ADAMTS10: variants seen among roughly 807,000 people sequenced by gnomAD.
The protein encoded by ADAMTS10 is A disintegrin and metalloproteinase with thrombospondin motifs 10.
A neutral mutation model predicts 135.9 loss-of-function variants in ADAMTS10; 48 were observed. The observed-to-expected ratio is 0.35, with a 90% CI of 0.28 to 0.45. The LOEUF (loss-of-function observed/expected upper bound fraction) is 0.45. ADAMTS10 is among the 20% of genes least tolerant of loss of function. The pLI, the probability that ADAMTS10 is intolerant of heterozygous loss-of-function variation, is 1.00. For synonymous variants in ADAMTS10, 621 were observed against 647.5 expected (o/e 0.96, Z 0.62); for missense variants, 1,131 against 1,565.2 (o/e 0.72, Z 4.68).
At chr19:8,587,039 A>G in intron 18 of ADAMTS10, 143 bp from the exon 19 acceptor site, 1 of 903,554 alleles carries the variant, frequency 1.1e-6, no homozygotes, top group Non-Finnish European at 1.8e-6. Context: ...ACCCTTGTGA[A>G]CCAGGTGTTT....
intron 16 of ADAMTS10, 121 bp downstream of exon 16, chr19:8,589,768 G>T: frequency 1.4e-6 from 2 of 1,396,000 alleles, no homozygotes; most frequent in Non-Finnish European, 9.9e-7. Context: ...CAGGTACTCT[G>T]TCTCCCCGGG....
rs111492620 is a variant in ADAMTS10 at position 8,610,422 on chromosome 19, G to GACACACACACACACACAC, written c.-215+204_-215+221dup. Among the ~76,000 whole-genome samples the GACACACACACACACACAC allele has an allele frequency of 7.1e-3, 1,036 of 145,692 alleles. 17 individuals are homozygous for GACACACACACACACACAC. Among genetic ancestry groups the GACACACACACACACACAC allele is most frequent in the African/African-American group, 0.024 (941 of 38,932 alleles). On this transcript the variant is annotated intron_variant, in intron 1 of 25. Coordinates refer to ENST00000597188, the MANE Select transcript of ADAMTS10 (RefSeq NM_030957.4). Reference sequence around the variant, plus strand: ...CAACCACTCTGCCCCTACGTGGACGGACACACACACACACACACACACACA... The same window carrying GACACACACACACACACAC: ...CAACCACTCTGCCCCTACGTGGACGGACACACACACACACACACACACACACACACACACACACACACA...
chr19:8,586,816 C>T lies in ADAMTS10; in HGVS notation c.2239G>A (p.Ala747Thr). The T allele has an allele frequency of 1.2e-6, 2 of 1,614,136 alleles. No homozygotes were observed. The highest frequency in any genetic ancestry group is 1.7e-6 in the Non-Finnish European group (2 of 1,180,024). ...CATCCCCTCCCCACCATCTGCTCAC[C>T]CAAGTGACTGAGAGAGAGGTTCAGA... is the stretch of plus-strand genomic sequence containing the variant. Reference protein sequence around the residue: ...QDLNLSLSHLALKGDQESLLL... With the variant: ...QDLNLSLSHLTLKGDQESLLL... Residue 747 changes from alanine to threonine, a missense_variant and splice_region_variant, in exon 19 of 26, where the codon GCC becomes ACC. Coordinates refer to ENST00000597188, the MANE Select transcript of ADAMTS10 (RefSeq NM_030957.4).
Position 8,584,905 on chromosome 19 carries a change from G to T in ADAMTS10, c.3192C>A (p.Asp1064Glu). Residue 1064 changes from aspartate to glutamate, a missense_variant, in exon 25 of 26, where the codon GAC becomes GAA. Asp to Glu is a conservative substitution (Grantham distance 45). Coordinates refer to ENST00000597188, the MANE Select transcript of ADAMTS10 (RefSeq NM_030957.4). ...TGGTCACCCACATACCTTCAGGGCC[G>T]TCCCCGGGGGTTGGGCTGTCGCACT... ...EAKCDSPTPG[D>E]GPEECKDVNK... The T allele has an allele frequency of 6.5e-7, 1 of 1,548,936 alleles. No individual in the cohort carries two copies. Among genetic ancestry groups the T allele is most frequent in the African/African-American group, 1.4e-5 (1 of 73,106 alleles).
In ADAMTS10 at chr19:8,580,853, G is replaced by A. The variant is rs1555735596; in HGVS notation, c.*40C>T. On this transcript the variant is annotated 3_prime_UTR_variant, in exon 26 of 26. Coordinates refer to ENST00000597188, the MANE Select transcript of ADAMTS10 (RefSeq NM_030957.4). ...GCCGGCCCGCTGCAGGGCTGGCGGC[G>A]GAGACCCCGCCAGCTGTGGCTCCGG... is the stretch of plus-strand genomic sequence containing the variant. 1.7e-5 allele frequency: 26 copies of A among 1,518,984 alleles called. No homozygotes were observed. Among genetic ancestry groups the A allele is most frequent in the East Asian group, 2.4e-5 (1 of 41,548 alleles). The allele number at this position is 1,518,984 out of a possible 1,614,324, so 94.1% of individuals were successfully genotyped here. A position where few individuals can be genotyped will look rare whatever the true frequency, so the allele number is the denominator to read the frequency against.
At position 8,600,946 on chromosome 19, in the gene ADAMTS10, G is replaced by A; in HGVS notation, c.792C>T (p.Val264=). 3.1e-6 allele frequency: 5 copies of A among 1,614,130 alleles called. No individual in the cohort carries two copies. The highest frequency in any genetic ancestry group is 4.2e-6 in the Non-Finnish European group (5 of 1,180,040). ...CACTTACAATGTTCATGATGGCCAGGACATACTGCTCCACATCCCGGCGCC... is the reference window on the plus strand; with the variant it reads ...CACTTACAATGTTCATGATGGCCAGAACATACTGCTCCACATCCCGGCGCC... ...YHGRRDVEQY[V]LAIMNIVAKL... is the part of the protein sequence containing the mutation. The change falls in exon 6 of 26, where the codon GTC becomes GTT. Residue 264 remains valine (V), a synonymous_variant. Coordinates refer to ENST00000597188, the MANE Select transcript of ADAMTS10 (RefSeq NM_030957.4).
intron 25 of ADAMTS10, among the ~76,000 whole-genome samples, chr19:8,583,258 G>C (rs1428823443): frequency 3.9e-5 from 6 of 152,076 alleles, no homozygotes; most frequent in Non-Finnish European, 8.8e-5. Context: ...ATAAATTTAT[G>C]GACCTGGCGC....
chr19:8,607,786 A>G (rs1230804507), intron 2 of ADAMTS10, among the ~76,000 whole-genome samples: 1 of 148,834 alleles, frequency 6.7e-6, no homozygotes, highest in Non-Finnish European at 1.5e-5. Context: ...GCTAATGTCC[A>G]TTCCTTCTGT....
At chr19:8,592,905 C>G in intron 12 of ADAMTS10, 35 bp from the exon 13 acceptor site, 1 of 1,581,840 alleles carries the variant, frequency 6.3e-7, no homozygotes, top group Non-Finnish European at 8.6e-7. Context: ...GCTCGCCCCC[C>G]TCCCTTCCTC....
In ADAMTS10 at chr19:8,600,817, CCT is replaced by C. The variant is rs1427383185; in HGVS notation, c.810+109_810+110del. 9.3e-5 allele frequency: 129 copies of C among 1,385,304 alleles called. 1 individual carries two copies. In the African/African-American group the frequency reaches 1.1e-3, roughly 12 times the overall value. The allele number at this position is 1,385,304 out of a possible 1,614,324, so 85.8% of individuals were successfully genotyped here. A position where few individuals can be genotyped will look rare whatever the true frequency, so the allele number is the denominator to read the frequency against. On this transcript the variant is annotated intron_variant, in intron 6 of 25. Transcript: ENST00000597188. Reference sequence around the variant, plus strand: ...CCGGCCTGCAACCTTCCTTTCTACCCCTGTCCCCACGTCAGGGATTGGGGTGG... The same window carrying C: ...CCGGCCTGCAACCTTCCTTTCTACCCGTCCCCACGTCAGGGATTGGGGTGG...
chr19:8,581,060 T>G, intron 25 of ADAMTS10, 58 bp from the exon 26 acceptor site: 2 of 1,208,552 alleles, frequency 1.7e-6, no homozygotes, highest in Non-Finnish European at 2.4e-6. Flanking sequence ...CCCGCAGGGC[T>G]GCACACACGA....
At chr19:8,589,676 C>G (rs1380211233) in intron 16 of ADAMTS10, 91 bp from the exon 17 acceptor site, 1 of 1,581,444 alleles carries the variant, frequency 6.3e-7, no homozygotes, top group Non-Finnish European at 8.6e-7. Flanking sequence ...AGGGACAGAC[C>G]CCAGACCCAA....
chr19:8,591,758 T>G (rs1555738942), intron 15 of ADAMTS10, 42 bp downstream of exon 15: 1 of 1,611,274 alleles, frequency 6.2e-7, no homozygotes, highest in East Asian at 2.2e-5. Flanking sequence ...CTGTTTTTAA[T>G]GCTTCCTCCC....
rs1555739110 is a variant in ADAMTS10 at position 8,592,077 on chromosome 19, G to C, written c.1614C>G (p.Pro538=). The C allele has an allele frequency of 1.2e-6, 2 of 1,613,792 alleles. No individual in the cohort carries two copies. Among genetic ancestry groups the C allele is most frequent in the Admixed American group, 3.3e-5 (2 of 60,018 alleles). Residue 538 remains proline (P), a synonymous_variant, in exon 14 of 26, where the codon CCC becomes CCG. Coordinates refer to ENST00000597188, the MANE Select transcript of ADAMTS10 (RefSeq NM_030957.4). ...KGWCYKRVCV[P]FGSRPEGVDG... is the part of the protein sequence containing the mutation. ...CCACACCCTCTGGGCGCGACCCAAA[G>C]GGGACACAGACCCGTTTGTAGCACC...
chr19:8,586,016 C>A, intron 22 of ADAMTS10, 106 bp downstream of exon 22: 1 of 1,572,398 alleles, frequency 6.4e-7, no homozygotes, highest in Admixed American at 1.7e-5. Context: ...CACTGTCACT[C>A]CGACTCTGCA....
chr19:8,584,520 G>A (rs2042397073), intron 25 of ADAMTS10, among the ~76,000 whole-genome samples: 1 of 152,086 alleles, frequency 6.6e-6, no homozygotes, highest in Non-Finnish European at 1.5e-5. Context: ...ACCCTACAAT[G>A]TGCTGGACAG....
rs1555742366 is a variant in ADAMTS10 at position 8,605,345 on chromosome 19, G to A, written c.102C>T (p.Ser34=). 6.2e-7 allele frequency: 1 copy of A among 1,602,224 alleles called. No homozygotes were observed. The highest frequency in any genetic ancestry group is 8.5e-7 in the Non-Finnish European group (1 of 1,174,626). Reference sequence around the variant, plus strand: ...AGGCGATCTCATAGCTCTCCAGACTGGACAGGAACTCATCTGTGGGTGAGG... The same window carrying A: ...AGGCGATCTCATAGCTCTCCAGACTAGACAGGAACTCATCTGTGGGTGAGG... The part of the protein sequence containing the change: ...HAFRSQDEFL[S]SLESYEIAFP... The change falls in exon 4 of 26, where the codon TCC becomes TCT. Residue 34 remains serine, a synonymous_variant. Transcript: ENST00000597188. The surrounding 1 kb of genome is among the most constrained non-coding windows in gnomAD (Gnocchi z 7.7).
Position 8,605,863 on chromosome 19 carries a change from C to T in ADAMTS10, c.-99-54G>A. The T allele has an allele frequency of 7.0e-7, 1 of 1,432,092 alleles. No homozygotes were observed. 88.7% of individuals were successfully genotyped at this position (1,432,092 alleles called of 1,614,324 possible). On this transcript the variant is annotated intron_variant, in intron 2 of 25. Coordinates refer to ENST00000597188, the MANE Select transcript of ADAMTS10 (RefSeq NM_030957.4). This position sits in a 1 kb window ranked among gnomAD's most constrained non-coding sequence, Gnocchi z 7.7. ...GCCTGGTCCCGCTGTCCAGCACAAC[C>T]AATGCCAAGGCCAATCATGGCCAAA...
In ADAMTS10 at chr19:8,601,129, T is replaced by G; in HGVS notation, c.609A>C (p.Lys203Asn). 1 of 1,613,658 alleles carries G rather than the reference T, an allele frequency of 6.2e-7. No homozygotes were observed. The highest frequency in any genetic ancestry group is 8.5e-7 in the Non-Finnish European group (1 of 1,180,018). Reference protein sequence around the residue: ...ACGVRDEKPWKGRPWWLRTLK... With the variant: ...ACGVRDEKPWNGRPWWLRTLK... ...AGGTCCGCAGCCACCATGGCCGCCC[T>G]TTCCACGGTTTCTCATCTGGGGAAC... The change falls in exon 6 of 26, where the codon AAA becomes AAC. Residue 203 changes from lysine (K) to asparagine (N), a missense_variant. Physicochemically the swap from Lys to Asn is moderately conservative, Grantham distance 94 (BLOSUM62 0). Coordinates refer to ENST00000597188, the MANE Select transcript of ADAMTS10 (RefSeq NM_030957.4). This position sits in a 1 kb window ranked among gnomAD's most constrained non-coding sequence, Gnocchi z 4.6.
Sources: allele counts gnomAD v4.1 joint callset (sites outside exome capture counted in the v4.1 genomes callset), GRCh38; gene constraint gnomAD v4.1.1; non-coding constraint Gnocchi (gnomAD v3.1); transcripts MANE v1.5; gene names NCBI Gene and HGNC (gene_info 2026-07-23, HGNC 2026-07-21).